The following ZNRF3 variants were observed in gnomAD, a reference collection of about 807,000 sequenced individuals.
ZNRF3 encodes E3 ubiquitin-protein ligase ZNRF3.
ZNRF3 carries 23 observed loss-of-function variants against 72.5 expected under a neutral mutation model. The observed-to-expected ratio is 0.32, with a 90% CI of 0.23 to 0.45. The LOEUF is 0.45. ZNRF3 is among the 20% of genes least tolerant of loss of function. The pLI, the probability that ZNRF3 is intolerant of heterozygous loss-of-function variation, is 1.00. For synonymous variants in ZNRF3, 610 were observed against 545.3 expected (o/e 1.12, Z -1.65); for missense variants, 1,169 against 1,272.1 (o/e 0.92, Z 1.23).
chr22:29,026,534 CT>C (rs1180328911), intron 2 of ZNRF3: 2 of 152,254 alleles, frequency 1.3e-5, no homozygotes, highest in African/African-American at 4.8e-5. Flanking sequence ...TATTTTTATC[CT>C]GTTATCGCAG....
intron 2 of ZNRF3, among the ~76,000 whole-genome samples, chr22:29,013,674 A>G (rs1249603843): frequency 1.3e-5 from 2 of 152,222 alleles, no homozygotes; most frequent in Non-Finnish European, 2.9e-5. Flanking sequence ...TTGGATGTCA[A>G]CTTGCACTTG....
At chr22:28,921,665 T>A (rs146865893) in intron 1 of ZNRF3, among the ~76,000 whole-genome samples, 7 of 152,338 alleles carry the variant, frequency 4.6e-5, no homozygotes, top group African/African-American at 1.7e-4. Context: ...CTAACTAGAT[T>A]GTAAGTTCAC....
intron 1 of ZNRF3, among the ~76,000 whole-genome samples, chr22:28,960,445 C>T (rs2035337462): frequency 6.6e-6 from 1 of 152,134 alleles, no homozygotes; most frequent in South Asian, 2.1e-4. Flanking sequence ...TCAGTGGCAT[C>T]CCAGAGCTGT....
intron 2 of ZNRF3, among the ~76,000 whole-genome samples, chr22:28,997,569 G>A (rs1306539310): frequency 6.6e-6 from 1 of 152,096 alleles, no homozygotes; most frequent in Non-Finnish European, 1.5e-5. Context: ...CTCCATCTGA[G>A]GAGTGTGAAG....
rs74915867 is a variant in ZNRF3 at position 29,032,918 on chromosome 22, G to C, written c.427-9577G>C. Among the ~76,000 whole-genome samples, 1,106 of 152,324 alleles carry C rather than the reference G, an allele frequency of 7.3e-3. 16 individuals carry two copies. The highest frequency in any genetic ancestry group is 0.026 in the African/African-American group (1,065 of 41,558). The stretch of plus-strand genomic sequence containing the variant: ...AAGGCCACTGGGCACCGCAGCCTGA[G>C]GGAATAATACCTGAACAGAGAGAGA... On this transcript the variant is annotated intron_variant, in intron 2 of 8. Transcript: ENST00000544604.
Position 29,055,310 on chromosome 22 carries a change from C to T in ZNRF3, c.*1688C>T, listed in dbSNP as rs2037280259. 1 of 152,196 alleles carries T rather than the reference C, an allele frequency of 6.6e-6. No individual in the cohort carries two copies. The highest frequency in any genetic ancestry group is 6.5e-5 in the Admixed American group (1 of 15,274). The allele number at this position is 152,196 out of a possible 1,614,324, so 9.4% of individuals were successfully genotyped here. On this transcript the variant is annotated 3_prime_UTR_variant, in exon 9 of 9. Coordinates refer to ENST00000544604, the MANE Select transcript of ZNRF3 (RefSeq NM_001206998.2). The stretch of plus-strand genomic sequence containing the variant: ...AGATATTTGTTGCCATCTGAAAGAA[C>T]TGGCCCAGTGGGTCTGAAAGCTCGC...
chr22:29,010,012 T>C (rs987318013), intron 2 of ZNRF3, among the ~76,000 whole-genome samples: 6 of 150,122 alleles, frequency 4.0e-5, no homozygotes, highest in Non-Finnish European at 8.9e-5. Flanking sequence ...GTTCATGCCA[T>C]TCTCCTGCCT....
At chr22:28,988,294 C>T (rs1393998427) in intron 2 of ZNRF3, among the ~76,000 whole-genome samples, 2 of 152,130 alleles carry the variant, frequency 1.3e-5, no homozygotes, top group Non-Finnish European at 2.9e-5. Context: ...TGGTTCCTAA[C>T]CTCTTGAGGC....
chr22:29,053,094 T>C (rs946301566), intron 8 of ZNRF3, among the ~76,000 whole-genome samples: 6 of 152,174 alleles, frequency 3.9e-5, no homozygotes, highest in Admixed American at 3.9e-4. Context: ...CCCTGTCCCG[T>C]TCTTCCCATG....
At chr22:29,038,223 G>A (rs2036898877) in intron 2 of ZNRF3, among the ~76,000 whole-genome samples, 1 of 152,074 alleles carries the variant, frequency 6.6e-6, no homozygotes, top group Admixed American at 6.6e-5. Flanking sequence ...CTACACTTGA[G>A]TAATTAAAAT....
intron 1 of ZNRF3, among the ~76,000 whole-genome samples, chr22:28,925,110 T>G (rs2034577860): frequency 6.6e-6 from 1 of 152,210 alleles, no homozygotes; most frequent in Non-Finnish European, 1.5e-5. Flanking sequence ...GTGGTCATAT[T>G]CTGTTTTCTT....
intron 2 of ZNRF3, among the ~76,000 whole-genome samples, chr22:29,013,884 G>A (rs1172030908): frequency 6.6e-6 from 1 of 152,202 alleles, no homozygotes; most frequent in African/African-American, 2.4e-5. Context: ...ACTGGATGGG[G>A]CAGGCGTGGA....
chr22:28,904,119 C>T (rs944052866), intron 1 of ZNRF3, among the ~76,000 whole-genome samples: 7 of 152,180 alleles, frequency 4.6e-5, no homozygotes, highest in Non-Finnish European at 1.0e-4. Context: ...GCAACCTAAC[C>T]TCACCCCAGA....
intron 2 of ZNRF3, among the ~76,000 whole-genome samples, chr22:29,023,528 C>CTT (rs913879710): frequency 4.6e-5 from 7 of 152,174 alleles, no homozygotes; most frequent in Non-Finnish European, 1.0e-4. Context: ...AAGCAGGCTG[C>CTT]TTCCCTTGCA....
intron 2 of ZNRF3, among the ~76,000 whole-genome samples, chr22:29,016,529 A>G (rs1295640162): frequency 6.6e-6 from 1 of 152,198 alleles, no homozygotes; most frequent in African/African-American, 2.4e-5. Flanking sequence ...TAAGGACCCA[A>G]TGGGACTTGA....
chr22:28,984,419 TG>T (rs2035817810), intron 1 of ZNRF3, among the ~76,000 whole-genome samples: 1 of 152,204 alleles, frequency 6.6e-6, no homozygotes, highest in South Asian at 2.1e-4. Context: ...GTTTTGTGCC[TG>T]GCTTCTTTCT....
At chr22:29,028,675 G>A (rs893910305) in intron 2 of ZNRF3, among the ~76,000 whole-genome samples, 7 of 152,280 alleles carry the variant, frequency 4.6e-5, no homozygotes, top group African/African-American at 7.2e-5. Flanking sequence ...GGCAAGTTAC[G>A]TAACCTTTGA....
At chr22:28,976,931 G>C (rs2035684997) in intron 1 of ZNRF3, among the ~76,000 whole-genome samples, 1 of 152,170 alleles carries the variant, frequency 6.6e-6, no homozygotes, top group African/African-American at 2.4e-5. Flanking sequence ...AGTCAGGCGT[G>C]AGATATACAT....
At chr22:28,899,614 A>G (rs772675866) in intron 1 of ZNRF3, among the ~76,000 whole-genome samples, 1 of 152,070 alleles carries the variant, frequency 6.6e-6, no homozygotes, top group Non-Finnish European at 1.5e-5. Flanking sequence ...CTGCAAGAAG[A>G]TGCTATAGAA....
Sources: gnomAD v4.1 joint callset for allele counts (sites outside exome capture counted in the v4.1 genomes callset) on GRCh38, gnomAD v4.1.1 for gene constraint, MANE v1.5 for transcripts, NCBI Gene and HGNC (gene_info 2026-07-23, HGNC 2026-07-21) for gene names.